The following GLDC variants were observed in gnomAD, a reference collection of about 807,000 sequenced individuals.
GLDC encodes the protein glycine dehydrogenase (decarboxylating), mitochondrial.
In GLDC, 104 loss-of-function variants were observed where a neutral mutation model predicts 121.3. The ratio of observed to expected loss-of-function variants is 0.86; its 90% confidence interval spans 0.73 to 1.01. The LOEUF (loss-of-function observed/expected upper bound fraction) is 1.01. GLDC is among the 50% of genes least tolerant of loss of function. The pLI is 0.00. For missense variants in GLDC, 1,429 were observed against 1,306.6 expected (o/e 1.09, Z -1.44); for synonymous variants, 546 against 480.6 (o/e 1.14, Z -1.78).
chr9:6,610,692 A>G (rs1409456137), intron 3 of GLDC, among the ~76,000 whole-genome samples: 3 of 152,144 alleles, frequency 2.0e-5, no homozygotes, highest in Non-Finnish European at 4.4e-5. Context: ...CTCAATGTAC[A>G]AGGCTCAAGA....
chr9:6,554,510 G>A (rs773289966), intron 19 of GLDC, among the ~76,000 whole-genome samples, 159 bp downstream of exon 19: 2 of 152,134 alleles, frequency 1.3e-5, no homozygotes, highest in African/African-American at 2.4e-5. Context: ...TCCCCTAAAA[G>A]CACCCATTTT....
intron 3 of GLDC, among the ~76,000 whole-genome samples, chr9:6,616,858 G>C (rs1017260078): frequency 1.3e-5 from 2 of 152,190 alleles, no homozygotes; most frequent in Non-Finnish European, 2.9e-5. Context: ...AATTGGGAAA[G>C]GGGGTTATGG....
At chr9:6,592,307 C>G in intron 10 of GLDC, 84 bp from the exon 11 acceptor site, 1 of 832,424 alleles carries the variant, frequency 1.2e-6, no homozygotes, top group Non-Finnish European at 2.1e-6. Flanking sequence ...AAAGGGGAGA[C>G]AGTGCTAAAC....
At chr9:6,639,326 G>A (rs1416147036) in intron 2 of GLDC, 3 of 935,598 alleles carry the variant, frequency 3.2e-6, no homozygotes, top group East Asian at 2.4e-5. Context: ...AAATATCCTC[G>A]GAAGAGCGCC....
intron 2 of GLDC, among the ~76,000 whole-genome samples, chr9:6,637,395 G>T (rs1476133086): frequency 7.3e-6 from 1 of 137,888 alleles, no homozygotes; most frequent in African/African-American, 3.0e-5. Flanking sequence ...ATAAGAGCGA[G>T]ACTTCTCTCA....
At chr9:6,564,197 G>A (rs866526985) in intron 16 of GLDC, among the ~76,000 whole-genome samples, 12 of 151,072 alleles carry the variant, frequency 7.9e-5, no homozygotes, top group African/African-American at 2.7e-4. Context: ...GCAATGAGCC[G>A]AGATTGGGCC....
chr9:6,578,150 T>C (rs1818109730), intron 15 of GLDC, among the ~76,000 whole-genome samples: 1 of 151,708 alleles, frequency 6.6e-6, no homozygotes, highest in South Asian at 2.1e-4. Context: ...CGAGACAGGA[T>C]CTTGCTCTGT....
At chr9:6,573,984 A>G (rs1260192230) in intron 15 of GLDC, among the ~76,000 whole-genome samples, 18 of 152,352 alleles carry the variant, frequency 1.2e-4, no homozygotes, top group Non-Finnish European at 7.3e-5. Context: ...CCAGGTCTCT[A>G]TCTCTATGGA....
chr9:6,615,316 G>C (rs768046943), intron 3 of GLDC, among the ~76,000 whole-genome samples: 4 of 152,046 alleles, frequency 2.6e-5, no homozygotes, highest in Non-Finnish European at 5.9e-5. Context: ...ATACAGGCCA[G>C]GTGTGGTGGC....
intron 21 of GLDC, among the ~76,000 whole-genome samples, chr9:6,544,277 C>T (rs1019303114): frequency 6.6e-6 from 1 of 152,072 alleles, no homozygotes; most frequent in Non-Finnish European, 1.5e-5. Flanking sequence ...TGAGCAGGGT[C>T]ACTTGTGAGC....
intron 2 of GLDC, among the ~76,000 whole-genome samples, chr9:6,640,383 C>T (rs541335318): frequency 1.3e-5 from 2 of 152,348 alleles, no homozygotes; most frequent in South Asian, 2.1e-4. Context: ...AAAGACAAGT[C>T]GTGGCCTCGG....
intron 2 of GLDC, among the ~76,000 whole-genome samples, chr9:6,631,775 A>G (rs1347765395): frequency 2.0e-5 from 3 of 152,206 alleles, no homozygotes; most frequent in African/African-American, 7.2e-5. Flanking sequence ...TTATAGATCA[A>G]AGGCATATGG....
chr9:6,609,161 T>C (rs1384503007), intron 4 of GLDC, among the ~76,000 whole-genome samples: 2 of 152,146 alleles, frequency 1.3e-5, no homozygotes, highest in Non-Finnish European at 2.9e-5. Context: ...GGTACACTCC[T>C]AAGTACTGGC....
chr9:6,620,543 A>G (rs909533548), intron 2 of GLDC, among the ~76,000 whole-genome samples: 1 of 150,538 alleles, frequency 6.6e-6, no homozygotes, highest in African/African-American at 2.4e-5. Flanking sequence ...CCCCCCCATC[A>G]CTGTTTTGAC....
chr9:6,597,369 C>T (rs115816937), intron 8 of GLDC, among the ~76,000 whole-genome samples: 2,433 of 152,206 alleles, frequency 0.016, 61 homozygotes, highest in African/African-American at 0.056. Flanking sequence ...GTGAAACTTA[C>T]GGTGAGTTAC....
chr9:6,582,782 T>C (rs1818197470), intron 15 of GLDC, among the ~76,000 whole-genome samples: 1 of 150,344 alleles, frequency 6.7e-6, no homozygotes, highest in African/African-American at 2.5e-5. Flanking sequence ...TGAGCCGATA[T>C]CGCGCCACTG....
chr9:6,643,865 C>A (rs1423648858), intron 2 of GLDC, among the ~76,000 whole-genome samples: 1 of 151,132 alleles, frequency 6.6e-6, no homozygotes, highest in Admixed American at 6.6e-5. Context: ...GAAACCCTGT[C>A]TCTAATAAAA....
chr9:6,557,198 G>A (rs1027951387), intron 17 of GLDC, among the ~76,000 whole-genome samples: 1 of 151,994 alleles, frequency 6.6e-6, no homozygotes, highest in East Asian at 1.9e-4. Flanking sequence ...ACATGCTTGA[G>A]ATGATGGATA....
chr9:6,600,670 C>G (rs1424418847), intron 8 of GLDC, among the ~76,000 whole-genome samples: 3 of 150,268 alleles, frequency 2.0e-5, no homozygotes. Context: ...AGGACTCTAT[C>G]TCAAAGAAGA....
Sources: allele counts gnomAD v4.1 joint callset (sites outside exome capture counted in the v4.1 genomes callset), GRCh38; gene constraint gnomAD v4.1.1; transcripts MANE v1.5; gene names NCBI Gene and HGNC (gene_info 2026-07-23, HGNC 2026-07-21).